CCDC141: variants seen among roughly 807,000 people sequenced by gnomAD.
CCDC141 encodes the protein coiled-coil domain-containing protein 141.
A neutral mutation model predicts 181.0 loss-of-function variants in CCDC141; 168 were observed. The observed-to-expected ratio is 0.93, with a 90% CI of 0.82 to 1.05. The LOEUF (loss-of-function observed/expected upper bound fraction) is 1.05. Among genes scored for constraint, CCDC141 ranks in the 50% least tolerant of loss-of-function variants. The probability of loss-of-function intolerance (pLI) is 0.00; values close to 1 mark genes in which losing one functional copy is unlikely to be tolerated. For missense variants in CCDC141, 1,902 were observed against 1,788.5 expected (o/e 1.06, Z -1.14); for synonymous variants, 666 against 642.3 (o/e 1.04, Z -0.56).
rs1553503077 is a variant in CCDC141 at position 179,015,558 on chromosome 2, C to CATATATATGATAT, written c.225+31725_225+31726insATATCATATATAT. 9.6e-3 allele frequency among the ~76,000 whole-genome samples: 225 copies of CATATATATGATAT among 23,442 alleles called. 9 individuals carry two copies. Among genetic ancestry groups the CATATATATGATAT allele is most frequent in the Admixed American group, 0.021 (36 of 1,698 alleles). The allele number at this position is 23,442 out of a possible 152,430, so 15.4% of individuals were successfully genotyped here. A position where few individuals can be genotyped will look rare whatever the true frequency, so the allele number is the denominator to read the frequency against. On this transcript the variant is annotated intron_variant, in intron 2 of 23. Transcript: ENST00000443758. ...TATATGATATATATATCTCATATCT[C>CATATATATGATAT]ATATATATCTCATATATCTCATATA...
chr2:178,979,252 T>C (rs1471583263), intron 2 of CCDC141, among the ~76,000 whole-genome samples: 1 of 152,184 alleles, frequency 6.6e-6, no homozygotes, highest in Non-Finnish European at 1.5e-5. Flanking sequence ...AATTGTCTCA[T>C]TCAGGGATAG....
At chr2:178,847,669 G>A (rs992915314) in intron 21 of CCDC141, among the ~76,000 whole-genome samples, 3 of 152,204 alleles carry the variant, frequency 2.0e-5, no homozygotes, top group Non-Finnish European at 2.9e-5. Flanking sequence ...GCAGTTATAT[G>A]TGATGTAATT....
intron 2 of CCDC141, among the ~76,000 whole-genome samples, chr2:178,994,637 C>A (rs1692202040): frequency 6.6e-6 from 1 of 152,216 alleles, no homozygotes; most frequent in Admixed American, 6.5e-5. Flanking sequence ...CTGCAGCCAA[C>A]TTGAATCTCT....
chr2:178,985,912 T>C (rs947869900), intron 2 of CCDC141, among the ~76,000 whole-genome samples: 3 of 152,172 alleles, frequency 2.0e-5, no homozygotes, highest in East Asian at 1.9e-4. Flanking sequence ...GTACCATTCC[T>C]TCTGAAACTA....
chr2:178,819,955 T>C, the CCDC141 span, among the ~76,000 whole-genome samples: 1 of 152,188 alleles, frequency 6.6e-6, no homozygotes, highest in Non-Finnish European at 1.5e-5. Flanking sequence ...TGAATGGTTT[T>C]TGAAAAGCAT....
At chr2:179,026,812 G>A (rs1349743617) in intron 2 of CCDC141, among the ~76,000 whole-genome samples, 2 of 152,244 alleles carry the variant, frequency 1.3e-5, no homozygotes, top group African/African-American at 4.8e-5. Context: ...CCCACCTTTT[G>A]CATCAGCATG....
chr2:179,013,801 A>G (rs368689764), intron 2 of CCDC141, among the ~76,000 whole-genome samples: 4 of 151,618 alleles, frequency 2.6e-5, no homozygotes, highest in East Asian at 1.9e-4. Context: ...CCCCATCTCT[A>G]CTAAAAATTA....
At chr2:178,958,213 C>T (rs535305369) in intron 5 of CCDC141, among the ~76,000 whole-genome samples, 1 of 152,174 alleles carries the variant, frequency 6.6e-6, no homozygotes, top group South Asian at 2.1e-4. Context: ...ATGGTGGATG[C>T]CTGTCATTAT....
At chr2:179,016,743 G>A (rs899888538) in intron 2 of CCDC141, among the ~76,000 whole-genome samples, 1 of 151,948 alleles carries the variant, frequency 6.6e-6, no homozygotes, top group Non-Finnish European at 1.5e-5. Context: ...TTATTTCCCT[G>A]GTTAATTTTA....
intron 2 of CCDC141, among the ~76,000 whole-genome samples, chr2:179,008,476 A>G (rs367925661): frequency 1.3e-5 from 2 of 152,132 alleles, no homozygotes; most frequent in East Asian, 3.9e-4. Context: ...TTCTCCCTCT[A>G]CAACTTGATG....
intron 7 of CCDC141, among the ~76,000 whole-genome samples, chr2:178,908,932 TA>T (rs1195624021): frequency 1.3e-5 from 2 of 152,362 alleles, no homozygotes; most frequent in Admixed American, 6.5e-5. Context: ...GCTGTTATTC[TA>T]AATCCTGATT....
chr2:178,978,610 A>T lies in CCDC141; in HGVS notation c.291T>A (p.Asp97Glu). 1 of 1,549,774 alleles carries T rather than the reference A, an allele frequency of 6.5e-7. No homozygotes were observed. Among genetic ancestry groups the T allele is most frequent in the Non-Finnish European group, 8.7e-7 (1 of 1,146,622 alleles). Residue 97 changes from aspartate to glutamate, a missense_variant, in exon 3 of 24, where the codon GAT (aspartate) becomes GAA (glutamate). Physicochemically the swap from Asp to Glu is conservative, Grantham distance 45 (BLOSUM62 2). Coordinates refer to ENST00000443758, the MANE Select transcript of CCDC141 (RefSeq NM_173648.4). ...CCATGGCATCATAGACCTGACTCTG[A>T]TCCTTGTTCTCTTCAGCTGTCTTGT... ...EADKTAEENK[D>E]QSQVYDAMAE...
At chr2:178,961,531 T>G in intron 4 of CCDC141, 48 bp from the exon 5 acceptor site, 1 of 1,385,044 alleles carries the variant, frequency 7.2e-7, no homozygotes, top group Non-Finnish European at 9.9e-7. Context: ...TAGCAAGCTT[T>G]TATACAGCAA....
At chr2:178,947,021 G>T (rs1390163824) in intron 5 of CCDC141, among the ~76,000 whole-genome samples, 1 of 152,136 alleles carries the variant, frequency 6.6e-6, no homozygotes, top group African/African-American at 2.4e-5. Context: ...TCATTATGAG[G>T]TATTCATACA....
At chr2:179,011,255 G>A (rs1024710089) in intron 2 of CCDC141, among the ~76,000 whole-genome samples, 13 of 152,114 alleles carry the variant, frequency 8.5e-5, no homozygotes, top group Non-Finnish European at 1.0e-4. Context: ...AAGAACTCAC[G>A]TAAACTTAAA....
intron 2 of CCDC141, among the ~76,000 whole-genome samples, chr2:178,979,703 A>G (rs1354178945): frequency 6.6e-6 from 1 of 152,206 alleles, no homozygotes; most frequent in Admixed American, 6.5e-5. Flanking sequence ...ATCAAAACAA[A>G]AATCACTGAT....
chr2:178,923,671 A>T (rs1558984196), intron 6 of CCDC141, among the ~76,000 whole-genome samples: 1 of 152,122 alleles, frequency 6.6e-6, no homozygotes, highest in Non-Finnish European at 1.5e-5. Context: ...TTTGACAGAG[A>T]TGCGTGCGTA....
At chr2:178,989,887 C>G (rs1422845993) in intron 2 of CCDC141, among the ~76,000 whole-genome samples, 2 of 147,646 alleles carry the variant, frequency 1.4e-5, no homozygotes, top group African/African-American at 5.0e-5. Flanking sequence ...CACCTGTAAT[C>G]CCAGCACTTT....
At position 178,834,419 on chromosome 2, in the gene CCDC141, C is replaced by A. The variant is rs917442110; in HGVS notation, c.4347G>T (p.Leu1449Phe). 5 of 1,536,308 alleles carry A rather than the reference C, an allele frequency of 3.3e-6. No individual in the cohort carries two copies. The highest frequency in any genetic ancestry group is 8.7e-7 in the Non-Finnish European group (1 of 1,146,828). The change falls in exon 24 of 24, where the codon TTG (leucine) becomes TTT (phenylalanine). Residue 1449 changes from leucine (L) to phenylalanine (F), a missense_variant. Transcript: ENST00000443758. ...TLTWYKKGQK[L>F]SADGHLQVLH... ...AAACCTGTAAGTGCCCATCTGCAGA[C>A]AATTTCTGGCCCTTCTTGTACCTGA...
Sources: allele counts gnomAD v4.1 joint callset (sites outside exome capture counted in the v4.1 genomes callset), GRCh38; gene constraint gnomAD v4.1.1; transcripts MANE v1.5; gene names NCBI Gene and HGNC (gene_info 2026-07-23, HGNC 2026-07-21).